Variants in RTN1 observed in about 807,000 individuals in gnomAD.
RTN1 encodes reticulon-1.
A neutral mutation model predicts 65.5 loss-of-function variants in RTN1; 25 were observed. The observed-to-expected ratio is 0.38, with a 90% CI of 0.28 to 0.53. The LOEUF (loss-of-function observed/expected upper bound fraction) is 0.53. Among genes scored for constraint, RTN1 ranks in the 20% least tolerant of loss-of-function variants. The probability of loss-of-function intolerance (pLI) is 0.79; values close to 1 mark genes in which losing one functional copy is unlikely to be tolerated. For synonymous variants in RTN1, 471 were observed against 447.6 expected, an observed-to-expected ratio of 1.05 and a Z score of -0.66; for missense variants, 983 against 1,025.4, an observed-to-expected ratio of 0.96 and a Z score of 0.57.
chr14:59,629,473 G>A (rs1390632408), intron 3 of RTN1, among the ~76,000 whole-genome samples: 1 of 152,114 alleles, frequency 6.6e-6, no homozygotes, highest in Non-Finnish European at 1.5e-5. Flanking sequence ...GTCTCCTGAG[G>A]GATGCTGCAA....
At chr14:59,722,149 C>T (rs1366188440) in intron 3 of RTN1, among the ~76,000 whole-genome samples, 1 of 152,072 alleles carries the variant, frequency 6.6e-6, no homozygotes, top group African/African-American at 2.4e-5. Flanking sequence ...GGTTAGAGTC[C>T]TGGAGGTTGA....
chr14:59,708,446 CAG>C (rs571155520), intron 3 of RTN1, among the ~76,000 whole-genome samples: 19 of 152,338 alleles, frequency 1.2e-4, no homozygotes, highest in Admixed American at 4.6e-4. Context: ...CCAATTGCTT[CAG>C]TGTTAGACAG....
At chr14:59,848,883 C>T (rs1264377074) in intron 1 of RTN1, among the ~76,000 whole-genome samples, 1 of 152,180 alleles carries the variant, frequency 6.6e-6, no homozygotes, top group African/African-American at 2.4e-5. Flanking sequence ...TCCATGTACA[C>T]AAATCGTCAC....
At chr14:59,768,550 G>C (rs1885892987) in intron 1 of RTN1, among the ~76,000 whole-genome samples, 1 of 152,118 alleles carries the variant, frequency 6.6e-6, no homozygotes, top group South Asian at 2.1e-4. Context: ...ATTGTGTGTA[G>C]AAGGCTAAAC....
intron 1 of RTN1, among the ~76,000 whole-genome samples, chr14:59,800,709 T>C (rs1000293444): frequency 6.6e-6 from 1 of 152,068 alleles, no homozygotes; most frequent in African/African-American, 2.4e-5. Flanking sequence ...CAAAAATACA[T>C]CTTAAAATAA....
At chr14:59,744,806 G>A (rs973384517) in intron 2 of RTN1, among the ~76,000 whole-genome samples, 4 of 152,080 alleles carry the variant, frequency 2.6e-5, no homozygotes, top group Non-Finnish European at 2.9e-5. Flanking sequence ...TAAATGCCCC[G>A]GCCAAGGTGC....
intron 1 of RTN1, among the ~76,000 whole-genome samples, chr14:59,810,632 G>T (rs1886712268): frequency 6.6e-6 from 1 of 152,166 alleles, no homozygotes; most frequent in Non-Finnish European, 1.5e-5. Context: ...GTGATGCCTG[G>T]AGTGATAAAA....
intron 1 of RTN1, among the ~76,000 whole-genome samples, chr14:59,822,550 A>G (rs1205678108): frequency 6.6e-6 from 1 of 152,080 alleles, no homozygotes; most frequent in Non-Finnish European, 1.5e-5. Flanking sequence ...TTCTTCTCCA[A>G]GCTTTGGGGT....
In RTN1 at chr14:59,627,002, T is replaced by C. The variant is rs557260300; in HGVS notation, c.1766-19510A>G. On this transcript the variant is annotated intron_variant, in intron 3 of 8. Coordinates refer to ENST00000267484, the MANE Select transcript of RTN1 (RefSeq NM_021136.3). ...GAGTTCACTTTCTCTAACTTAGTGTTAGTAAGATAGGCAGTGAGTGCTGAG... is the reference window on the plus strand; with the variant it reads ...GAGTTCACTTTCTCTAACTTAGTGTCAGTAAGATAGGCAGTGAGTGCTGAG... 3.8e-4 allele frequency among the ~76,000 whole-genome samples: 58 copies of C among 152,300 alleles called. 1 individual carries two copies. In the South Asian group the frequency reaches 0.012, roughly 32 times the overall value.
intron 1 of RTN1, among the ~76,000 whole-genome samples, chr14:59,779,164 T>A (rs1403402695): frequency 6.6e-6 from 1 of 151,836 alleles, no homozygotes. Flanking sequence ...ACAGGAGTTG[T>A]TCAAGAAAAA....
At chr14:59,793,048 G>C (rs1886378364) in intron 1 of RTN1, among the ~76,000 whole-genome samples, 1 of 152,032 alleles carries the variant, frequency 6.6e-6, no homozygotes, top group African/African-American at 2.4e-5. Flanking sequence ...ATATTGTTTT[G>C]AGCAATTAAT....
chr14:59,783,875 A>G (rs1886201875), intron 1 of RTN1, among the ~76,000 whole-genome samples: 1 of 151,772 alleles, frequency 6.6e-6, no homozygotes, highest in Non-Finnish European at 1.5e-5. Flanking sequence ...AAAATTGGTA[A>G]TAGAATTTTA....
At chr14:59,673,835 G>C (rs771997678) in intron 3 of RTN1, among the ~76,000 whole-genome samples, 3 of 152,286 alleles carry the variant, frequency 2.0e-5, no homozygotes, top group Non-Finnish European at 4.4e-5. Flanking sequence ...GTCCCTGTCT[G>C]TCTATCTGAC....
At chr14:59,662,189 C>A (rs1457813282) in intron 3 of RTN1, among the ~76,000 whole-genome samples, 1 of 149,636 alleles carries the variant, frequency 6.7e-6, no homozygotes, top group African/African-American at 2.5e-5. Context: ...ACTTTAAGTT[C>A]TAGGGTACAT....
intron 8 of RTN1, among the ~76,000 whole-genome samples, chr14:59,597,563 T>C (rs1881441743): frequency 6.6e-6 from 1 of 152,222 alleles, no homozygotes; most frequent in Non-Finnish European, 1.5e-5. Flanking sequence ...AATTCAGTGG[T>C]CAACAAAAGG....
chr14:59,724,209 T>C (rs1884708410), intron 3 of RTN1, among the ~76,000 whole-genome samples: 1 of 152,128 alleles, frequency 6.6e-6, no homozygotes, highest in Non-Finnish European at 1.5e-5. Context: ...GCGTTTTGTC[T>C]CCAGTGCAAT....
In RTN1 at chr14:59,727,668, T is replaced by C. The variant is rs775096884; in HGVS notation, c.1016A>G (p.Glu339Gly). The change falls in exon 3 of 9, where the codon GAA becomes GGA. Residue 339 changes from glutamate to glycine, a missense_variant and splice_region_variant. Glu to Gly is a moderately conservative substitution (Grantham distance 98). This residue lies in a region of RTN1 where 818 missense variants were observed against 801.8 expected (regional missense o/e 1.02). Coordinates refer to ENST00000267484, the MANE Select transcript of RTN1 (RefSeq NM_021136.3). This position sits in a 1 kb window ranked among gnomAD's most constrained non-coding sequence, Gnocchi z 4.2. ...CCCCTGGGATTCTGCAGCAGATGGT[T>C]CTGTCGTCCCACAGAGCGAAGGAGA... ...GSITPPSSGT[E>G]PSAAESQGKG... The C allele has an allele frequency of 6.9e-6, 11 of 1,596,680 alleles. No homozygotes were observed. The highest frequency in any genetic ancestry group is 8.5e-6 in the Non-Finnish European group (10 of 1,171,056).
intron 2 of RTN1, among the ~76,000 whole-genome samples, chr14:59,737,345 A>G (rs1885021768): frequency 6.6e-6 from 1 of 152,186 alleles, no homozygotes; most frequent in South Asian, 2.1e-4. Context: ...ATGTGTGAAA[A>G]TTGCTAGCAT....
chr14:59,642,965 T>C lies in RTN1; in HGVS notation c.1766-35473A>G, dbSNP rs141147837. On this transcript the variant is annotated intron_variant, in intron 3 of 8. Coordinates refer to ENST00000267484, the MANE Select transcript of RTN1 (RefSeq NM_021136.3). ...CCTCTAGTAAGTAGCAACTGAGGAA[T>C]TGATAAATTCCCATCAGAAATTAAG... 2.8e-3 allele frequency among the ~76,000 whole-genome samples: 433 copies of C among 152,348 alleles called. 2 individuals carry two copies. The highest frequency in any genetic ancestry group is 9.3e-3 in the African/African-American group (386 of 41,574).
Sources: gnomAD v4.1 joint callset for allele counts (sites outside exome capture counted in the v4.1 genomes callset) on GRCh38, gnomAD v4.1.1 for gene constraint, gnomAD v4.1.1 regional missense constraint, Gnocchi (gnomAD v3.1) non-coding constraint, MANE v1.5 for transcripts, NCBI Gene and HGNC (gene_info 2026-07-23, HGNC 2026-07-21) for gene names.